CNBD1: variants seen among roughly 807,000 people sequenced by gnomAD.
CNBD1 encodes the protein cyclic nucleotide-binding domain-containing protein 1.
CNBD1 carries 71 observed loss-of-function variants against 54.4 expected under a neutral mutation model. The observed-to-expected ratio is 1.30, with a 90% CI of 1.08 to 1.59. CNBD1 has a LOEUF of 1.59. Ranked by LOEUF, CNBD1 falls within the 40% of genes most tolerant of loss-of-function variation. The pLI is 0.00. For missense variants in CNBD1, 659 were observed against 518.0 expected (o/e 1.27, Z -2.64); for synonymous variants, 182 against 170.7 (o/e 1.07, Z -0.51).
intron 4 of CNBD1, among the ~76,000 whole-genome samples, chr8:86,972,185 C>T (rs1017888181): frequency 5.3e-5 from 8 of 152,036 alleles, no homozygotes; most frequent in African/African-American, 9.7e-5. Context: ...CTCCTGACCT[C>T]GTGATCCACC....
chr8:87,105,682 T>G (rs1811520167), intron 4 of CNBD1, among the ~76,000 whole-genome samples: 1 of 152,134 alleles, frequency 6.6e-6, no homozygotes, highest in African/African-American at 2.4e-5. Flanking sequence ...CTGCTGTGCC[T>G]TCATTCTACA....
intron 8 of CNBD1, among the ~76,000 whole-genome samples, chr8:87,317,879 G>GTA: frequency 7.7e-6 from 1 of 130,698 alleles, no homozygotes; most frequent in African/African-American, 2.8e-5. Flanking sequence ...GTTCTAATAT[G>GTA]TATGTGTATA....
chr8:87,125,505 A>G (rs971126898), intron 4 of CNBD1, among the ~76,000 whole-genome samples: 1 of 151,842 alleles, frequency 6.6e-6, no homozygotes, highest in Non-Finnish European at 1.5e-5. Context: ...TTTTTGTGTC[A>G]GTTTTGATGG....
At chr8:87,227,684 C>G (rs1395891117) in intron 5 of CNBD1, among the ~76,000 whole-genome samples, 1 of 146,098 alleles carries the variant, frequency 6.8e-6, no homozygotes, top group African/African-American at 2.6e-5. Context: ...TTTTTTCCTT[C>G]ATTTCAACTT....
At chr8:87,406,615 G>A (rs761002934) in intron 2 of CNBD1, among the ~76,000 whole-genome samples, 2 of 151,858 alleles carry the variant, frequency 1.3e-5, no homozygotes, top group Admixed American at 6.6e-5. Context: ...GAGTAGCTAG[G>A]ACTACAGGCG....
chr8:87,378,190 G>T (rs1171657694), intron 10 of CNBD1, among the ~76,000 whole-genome samples: 1 of 141,008 alleles, frequency 7.1e-6, no homozygotes. Context: ...GTCTTTTGTT[G>T]CCATTGCTTT....
At chr8:86,893,416 A>G (rs924735807) in intron 2 of CNBD1, among the ~76,000 whole-genome samples, 4 of 152,156 alleles carry the variant, frequency 2.6e-5, no homozygotes, top group Middle Eastern at 3.2e-3. Context: ...CACTGTCCCA[A>G]CCAAAATGTC....
chr8:87,374,244 T>G (rs989488256), intron 10 of CNBD1, among the ~76,000 whole-genome samples: 6 of 151,820 alleles, frequency 4.0e-5, no homozygotes, highest in African/African-American at 1.4e-4. Context: ...TGTCTTTTAC[T>G]GTGCAATAGT....
intron 4 of CNBD1, among the ~76,000 whole-genome samples, chr8:87,151,143 C>T (rs935194240): frequency 6.6e-6 from 1 of 152,062 alleles, no homozygotes; most frequent in Non-Finnish European, 1.5e-5. Flanking sequence ...CCTTGGTGGC[C>T]AGAAGTCTGT....
At chr8:87,147,638 C>G (rs527956698) in intron 4 of CNBD1, among the ~76,000 whole-genome samples, 2 of 152,156 alleles carry the variant, frequency 1.3e-5, no homozygotes, top group South Asian at 2.1e-4. Flanking sequence ...CTTCTAAAAC[C>G]TGCACATGAA....
At chr8:87,273,724 G>T (rs886968029) in intron 6 of CNBD1, among the ~76,000 whole-genome samples, 1 of 152,032 alleles carries the variant, frequency 6.6e-6, no homozygotes, top group Non-Finnish European at 1.5e-5. Context: ...AGTAGTAAGT[G>T]TATAGCTCTT....
At chr8:87,426,207 C>A (rs759475286) in intron 2 of CNBD1, among the ~76,000 whole-genome samples, 3 of 152,142 alleles carry the variant, frequency 2.0e-5, no homozygotes, top group Non-Finnish European at 2.9e-5. Flanking sequence ...CACTGACCTG[C>A]GCCCGCTGTC....
intron 8 of CNBD1, among the ~76,000 whole-genome samples, chr8:87,314,406 A>G (rs1178788649): frequency 6.6e-6 from 1 of 151,904 alleles, no homozygotes; most frequent in African/African-American, 2.4e-5. Flanking sequence ...GGATTTGAGG[A>G]CAGTTTCATC....
intron 10 of CNBD1, among the ~76,000 whole-genome samples, chr8:87,355,173 C>T (rs997393190): frequency 6.6e-6 from 1 of 152,192 alleles, no homozygotes; most frequent in Non-Finnish European, 1.5e-5. Flanking sequence ...TAGCTATACA[C>T]TGCCCCTTTT....
At chr8:86,993,095 G>T (rs1808789549) in intron 4 of CNBD1, among the ~76,000 whole-genome samples, 1 of 152,036 alleles carries the variant, frequency 6.6e-6, no homozygotes, top group Non-Finnish European at 1.5e-5. Context: ...ATGCCAATGT[G>T]TTGTAGGTTT....
intron 2 of CNBD1, among the ~76,000 whole-genome samples, chr8:87,397,757 ATTTTGTAGCTCCCATAATTC>A (rs1306524991): frequency 1.3e-5 from 2 of 151,616 alleles, no homozygotes; most frequent in African/African-American, 4.8e-5. Context: ...CTCAAATCTC[ATTTTGTAGCTCCCATAATTC>A]CCTTGTGTTG....
Position 86,971,684 on chromosome 8 carries a change from A to G in CNBD1, c.431+31930A>G, listed in dbSNP as rs146671404. On this transcript the variant is annotated intron_variant, in intron 4 of 10. Coordinates refer to ENST00000518476, the MANE Select transcript of CNBD1 (RefSeq NM_173538.3). ...CTATACTTTTTTTGAGGTAATTCCTAGTTTTTATATCGTTTTGTGAATATT... is the reference window on the plus strand; with the variant it reads ...CTATACTTTTTTTGAGGTAATTCCTGGTTTTTATATCGTTTTGTGAATATT... Among the ~76,000 whole-genome samples, 686 of 152,000 alleles carry G rather than the reference A, an allele frequency of 4.5e-3. 6 individuals are homozygous for G. Among genetic ancestry groups the G allele is most frequent in the African/African-American group, 0.016 (660 of 41,468 alleles).
At position 87,376,849 on chromosome 8, in the gene CNBD1, C is replaced by T. The variant is rs557048340; in HGVS notation, c.1304-5771C>T. Among the ~76,000 whole-genome samples, 37 of 151,902 alleles carry T rather than the reference C, an allele frequency of 2.4e-4. No homozygotes were observed. The South Asian group carries it at 7.3e-3, about 30-fold the overall frequency. On this transcript the variant is annotated intron_variant, in intron 10 of 10. Transcript: ENST00000518476. ...GGACCCAATTCTGTCCAAATCCCATCTCTTACTCAAGCTTCTTATTTTATA... is the reference window on the plus strand; with the variant it reads ...GGACCCAATTCTGTCCAAATCCCATTTCTTACTCAAGCTTCTTATTTTATA...
chr8:87,143,433 G>A (rs1490754256), intron 4 of CNBD1, among the ~76,000 whole-genome samples: 2 of 152,130 alleles, frequency 1.3e-5, no homozygotes, highest in African/African-American at 2.4e-5. Flanking sequence ...CAAATATGCT[G>A]TAGTGTTTGT....
Sources: allele counts gnomAD v4.1 joint callset (sites outside exome capture counted in the v4.1 genomes callset), GRCh38; gene constraint gnomAD v4.1.1; transcripts MANE v1.5; gene names NCBI Gene and HGNC (gene_info 2026-07-23, HGNC 2026-07-21).